The following ASPHD2 variants were observed in gnomAD, a reference collection of about 807,000 sequenced individuals.
ASPHD2 encodes the protein aspartate beta-hydroxylase domain-containing protein 2.
In ASPHD2, 12 loss-of-function variants were observed where a neutral mutation model predicts 34.6. The observed-to-expected ratio is 0.35, with a 90% confidence interval of 0.22 to 0.56. The LOEUF is 0.56. Ranked by LOEUF, ASPHD2 falls within the 20% of genes least tolerant of loss-of-function variation. The pLI is 0.87. For synonymous variants in ASPHD2, 224 were observed against 212.2 expected, an observed-to-expected ratio of 1.06 and a Z score of -0.48; for missense variants, 375 against 505.0, an observed-to-expected ratio of 0.74 and a Z score of 2.47.
chr22:26,435,432 A>T (rs1338126662), intron 2 of ASPHD2, among the ~76,000 whole-genome samples: 1 of 152,204 alleles, frequency 6.6e-6, no homozygotes, highest in Non-Finnish European at 1.5e-5. Context: ...CTCAGATTAG[A>T]GTGTGCAGAG....
chr22:26,438,678 T>A (rs2010996), intron 2 of ASPHD2, among the ~76,000 whole-genome samples: 1 of 129,604 alleles, frequency 7.7e-6, no homozygotes, highest in African/African-American at 2.7e-5. Context: ...CATACATACA[T>A]ACACACACAC....
In ASPHD2 at chr22:26,434,311, C is replaced by T. The variant is rs374955523; in HGVS notation, c.696C>T (p.Tyr232=). Residue 232 remains tyrosine (Y), a synonymous_variant, in exon 2 of 4, where the codon TAC becomes TAT. Transcript: ENST00000215906. ...CCAGCGGGGAGTGGTTCACCTTTTA[C>T]TTGGTCAATCAGGGGGTTTGTGTTC... ...STPSGEWFTF[Y]LVNQGVCVPR... 6.2e-7 allele frequency: 1 copy of T among 1,614,076 alleles called. No individual in the cohort carries two copies. The highest frequency in any genetic ancestry group is 8.5e-7 in the Non-Finnish European group (1 of 1,180,042).
At chr22:26,436,543 T>G (rs1379914496) in intron 2 of ASPHD2, among the ~76,000 whole-genome samples, 2 of 151,964 alleles carry the variant, frequency 1.3e-5, no homozygotes, top group Non-Finnish European at 2.9e-5. Context: ...CTAGGCTTGC[T>G]GGGGAGGCCA....
rs117450336 is a variant in ASPHD2 at position 26,440,048 on chromosome 22, C to T, written c.887-2411C>T. Among the ~76,000 whole-genome samples the T allele has an allele frequency of 5.3e-5, 8 of 152,278 alleles. No homozygotes were observed. In the East Asian group the frequency reaches 1.5e-3, roughly 29 times the overall value. On this transcript the variant is annotated intron_variant, in intron 2 of 3. Coordinates refer to ENST00000215906, the MANE Select transcript of ASPHD2 (RefSeq NM_020437.5). ...GTGAGTCACTGAAGACAGATGAGAC[C>T]ACCACCCATCCCAGCTCCTCTTCCA...
chr22:26,440,563 G>A (rs1181451555), intron 2 of ASPHD2, among the ~76,000 whole-genome samples: 1 of 151,740 alleles, frequency 6.6e-6, no homozygotes, highest in Non-Finnish European at 1.5e-5. Flanking sequence ...CGAACTCTTG[G>A]CCTCACGCGA....
chr22:26,430,260 C>A (rs1021119166), intron 1 of ASPHD2, among the ~76,000 whole-genome samples: 1 of 152,222 alleles, frequency 6.6e-6, no homozygotes, highest in Non-Finnish European at 1.5e-5. Flanking sequence ...CATTAGGCAG[C>A]CTCTGGGAAT....
chr22:26,436,182 C>T (rs2084791409), intron 2 of ASPHD2, among the ~76,000 whole-genome samples: 1 of 152,248 alleles, frequency 6.6e-6, no homozygotes, highest in Non-Finnish European at 1.5e-5. Flanking sequence ...GCCCCATTTG[C>T]TGAGTGACCT....
At position 26,436,621 on chromosome 22, in the gene ASPHD2, A is replaced by C. The variant is rs568031289; in HGVS notation, c.886+2120A>C. On this transcript the variant is annotated intron_variant, in intron 2 of 3. Coordinates refer to ENST00000215906, the MANE Select transcript of ASPHD2 (RefSeq NM_020437.5). ...TCAGAGGCCCTTGATGCCAGGCTTG[A>C]GAATGGAGGCCGTGGGCAATGGGGA... Among the ~76,000 whole-genome samples the C allele has an allele frequency of 3.3e-5, 5 of 152,292 alleles. No individual in the cohort carries two copies. In the South Asian group the frequency reaches 1.0e-3, roughly 32 times the overall value.
Position 26,434,471 on chromosome 22 carries a change from C to T in ASPHD2, c.856C>T (p.Pro286Ser). Reference protein sequence around the residue: ...PGTVITEHYGPTNIRIRCHLG... With the variant: ...PGTVITEHYGSTNIRIRCHLG... Reference sequence around the variant, plus strand: ...GACTGTGATAACGGAGCACTATGGACCCACCAACATCCGCATCCGATGCCA... The same window carrying T: ...GACTGTGATAACGGAGCACTATGGATCCACCAACATCCGCATCCGATGCCA... Residue 286 changes from proline to serine, a missense_variant, in exon 2 of 4, where the codon CCC becomes TCC. Pro to Ser is a moderately conservative substitution (Grantham distance 74). Around this residue, in one of 3 missense-constraint regions of ASPHD2, gnomAD observed 142 missense variants for 217.9 expected, o/e 0.65. Coordinates refer to ENST00000215906, the MANE Select transcript of ASPHD2 (RefSeq NM_020437.5). The T allele has an allele frequency of 6.3e-7, 1 of 1,596,732 alleles. No individual in the cohort carries two copies. Among genetic ancestry groups the T allele is most frequent in the Non-Finnish European group, 8.6e-7 (1 of 1,167,608 alleles).
intron 3 of ASPHD2, 28 bp from the exon 4 acceptor site, chr22:26,443,069 T>A (rs1177158606): frequency 6.4e-7 from 1 of 1,574,246 alleles, no homozygotes; most frequent in South Asian, 1.1e-5. Context: ...GGTTTGAACC[T>A]GTCCTCTCAC....
Position 26,429,515 on chromosome 22 carries a change from G to A in ASPHD2, c.-225+29G>A, listed in dbSNP as rs1568980694. ...AGCTTCGTCTCCGGGGGCTGCCGGG[G>A]CGGGAGGGCGGCGCGGCTGGGCCGA... On this transcript the variant is annotated intron_variant, in intron 1 of 3. Coordinates refer to ENST00000215906, the MANE Select transcript of ASPHD2 (RefSeq NM_020437.5). This position sits in a 1 kb window ranked among gnomAD's most constrained non-coding sequence, Gnocchi z 4.5. The A allele has an allele frequency of 1.3e-5, 2 of 150,856 alleles. No homozygotes were observed. The highest frequency in any genetic ancestry group is 3.9e-4 in the East Asian group (2 of 5,112). The allele number at this position is 150,856 out of a possible 1,614,324, so 9.3% of individuals were successfully genotyped here.
chr22:26,439,639 G>A (rs1299609206), intron 2 of ASPHD2, among the ~76,000 whole-genome samples: 1 of 152,156 alleles, frequency 6.6e-6, no homozygotes, highest in Non-Finnish European at 1.5e-5. Context: ...TTAGCACAAA[G>A]CTGAGTAGGA....
At chr22:26,436,995 A>G (rs772354873) in intron 2 of ASPHD2, among the ~76,000 whole-genome samples, 13 of 152,178 alleles carry the variant, frequency 8.5e-5, no homozygotes, top group Non-Finnish European at 1.6e-4. Context: ...TTCTTGGAAG[A>G]CGTCCCACTG....
At chr22:26,441,286 G>A (rs866399620) in intron 2 of ASPHD2, among the ~76,000 whole-genome samples, 5 of 151,916 alleles carry the variant, frequency 3.3e-5, no homozygotes, top group South Asian at 2.1e-4. Flanking sequence ...AGACCAGCCC[G>A]GTCAACATAG....
intron 1 of ASPHD2, among the ~76,000 whole-genome samples, chr22:26,432,073 T>C (rs938356793): frequency 6.6e-6 from 1 of 152,242 alleles, no homozygotes; most frequent in Non-Finnish European, 1.5e-5. Flanking sequence ...CGCATGCCTG[T>C]AATCCCAGCT....
intron 2 of ASPHD2, among the ~76,000 whole-genome samples, chr22:26,437,195 G>C (rs5761522): frequency 0.45 from 67,770 of 152,110 alleles, 15,666 homozygotes; most frequent in East Asian, 0.52. Context: ...GATAAGCCTG[G>C]TGCGTACCTG....
rs35706917 is a variant in ASPHD2 at position 26,443,410 on chromosome 22, A to AT, written c.*216dup. ...AACTTTTCGGCTTGTATTTCCTTAG[A>AT]TTTTTTTTTTTTCCTTCCAATCATT... On this transcript the variant is annotated 3_prime_UTR_variant, in exon 4 of 4. Transcript: ENST00000215906. 22,553 of 408,830 alleles carry AT rather than the reference A, an allele frequency of 0.055. No individual in the cohort carries two copies. Among genetic ancestry groups the AT allele is most frequent in the South Asian group, 0.087 (2,642 of 30,538 alleles). The allele number at this position is 408,830 out of a possible 1,614,324, so 25.3% of individuals were successfully genotyped here.
Position 26,434,233 on chromosome 22 carries a change from C to A in ASPHD2, c.618C>A (p.Tyr206Ter). ...QTILCEFETL[Y>*]KAFSNCSLPQ... Reference sequence around the variant, plus strand: ...TCCTGTGTGAGTTTGAGACCCTCTACAAAGCTTTCTCAAACTGCAGCCTCC... The same window carrying A: ...TCCTGTGTGAGTTTGAGACCCTCTAAAAAGCTTTCTCAAACTGCAGCCTCC... Residue 206 changes from tyrosine to a stop codon, truncating the protein, a stop_gained, in exon 2 of 4, where the codon TAC becomes TAA. Transcript: ENST00000215906. LOFTEE classifies it high-confidence loss of function. The A allele has an allele frequency of 6.2e-7, 1 of 1,614,178 alleles. No homozygotes were observed. Among genetic ancestry groups the A allele is most frequent in the Non-Finnish European group, 8.5e-7 (1 of 1,180,016 alleles).
intron 2 of ASPHD2, among the ~76,000 whole-genome samples, chr22:26,438,966 C>T (rs775692793): frequency 3.9e-5 from 6 of 152,146 alleles, no homozygotes; most frequent in African/African-American, 2.4e-5. Context: ...GGTGGATCTG[C>T]CTTCCCCAGC....
Sources: allele counts gnomAD v4.1 joint callset (sites outside exome capture counted in the v4.1 genomes callset), GRCh38; gene constraint gnomAD v4.1.1; regional missense constraint gnomAD v4.1.1; non-coding constraint Gnocchi (gnomAD v3.1); transcripts MANE v1.5; gene names NCBI Gene and HGNC (gene_info 2026-07-23, HGNC 2026-07-21).